The following GRIK1 variants were observed in gnomAD, a reference collection of about 807,000 sequenced individuals.
GRIK1 encodes glutamate ionotropic receptor kainate type subunit 1, also known as glutamate receptor ionotropic, kainate 1.
GRIK1 carries 69 observed loss-of-function variants against 105.7 expected under a neutral mutation model. That is an observed-to-expected ratio of 0.65 (90% CI 0.54 to 0.80). GRIK1 has a LOEUF of 0.80. Among genes scored for constraint, GRIK1 ranks in the 30% least tolerant of loss-of-function variants. The pLI is 0.00. For missense variants in GRIK1, 1,109 were observed against 1,167.3 expected, an observed-to-expected ratio of 0.95 and a Z score of 0.73; for synonymous variants, 438 against 431.3, an observed-to-expected ratio of 1.02 and a Z score of -0.19.
chr21:29,581,284 G>A, intron 13 of GRIK1, 141 bp downstream of exon 13: 1 of 636,338 alleles, frequency 1.6e-6, no homozygotes, highest in East Asian at 2.7e-5. Flanking sequence ...TTCAAAACCG[G>A]CTAGAAAGTC....
intron 1 of GRIK1, among the ~76,000 whole-genome samples, chr21:29,919,801 A>G (rs932044345): frequency 2.0e-5 from 3 of 152,198 alleles, no homozygotes; most frequent in Non-Finnish European, 4.4e-5. Flanking sequence ...AATGTGCTAA[A>G]AACAGTCCCT....
chr21:29,549,306 A>G (rs559265138), intron 16 of GRIK1, among the ~76,000 whole-genome samples: 1 of 152,214 alleles, frequency 6.6e-6, no homozygotes, highest in African/African-American at 2.4e-5. Context: ...CATGTTTACT[A>G]TCTACTTTTA....
At chr21:29,900,459 C>CAAAAAAAAAAAAAAAAAAAAAA (rs746842761) in intron 1 of GRIK1, among the ~76,000 whole-genome samples, 3 of 78,320 alleles carry the variant, frequency 3.8e-5, no homozygotes, top group Admixed American at 1.4e-4. Context: ...AAATGGAAAG[C>CAAAAAAAAAAAAAAAAAAAAAA]AAGAAAAAAA....
chr21:29,597,346 C>T (rs772305678), intron 8 of GRIK1, among the ~76,000 whole-genome samples: 10 of 152,334 alleles, frequency 6.6e-5, no homozygotes, highest in East Asian at 5.8e-4. Flanking sequence ...CATAATATTA[C>T]GGTGTATAGA....
intron 1 of GRIK1, among the ~76,000 whole-genome samples, chr21:29,920,038 T>C (rs2071139447): frequency 6.6e-6 from 1 of 152,120 alleles, no homozygotes; most frequent in South Asian, 2.1e-4. Flanking sequence ...TGAGGCAGAA[T>C]AGAAGAAGAA....
At chr21:29,880,172 CAA>C (rs1289313210) in intron 1 of GRIK1, among the ~76,000 whole-genome samples, 7 of 152,074 alleles carry the variant, frequency 4.6e-5, no homozygotes, top group Non-Finnish European at 7.4e-5. Flanking sequence ...AAAAAAACCT[CAA>C]GTCTATATTA....
chr21:29,656,222 C>T lies in GRIK1; in HGVS notation c.727-1359G>A, dbSNP rs139553651. 3.0e-3 allele frequency among the ~76,000 whole-genome samples: 449 copies of T among 151,124 alleles called. 3 individuals are homozygous for T. Among genetic ancestry groups the T allele is most frequent in the East Asian group, 0.025 (126 of 5,116 alleles). On this transcript the variant is annotated intron_variant, in intron 4 of 17. Coordinates refer to ENST00000327783, the MANE Select transcript of GRIK1 (RefSeq NM_001330994.2). ...CTAAAAATACACAAAATTAGCCAGG[C>T]GTGGTGGCGGGTGCCTGTAATCCCA... is the stretch of plus-strand genomic sequence containing the variant.
chr21:29,810,890 T>C (rs760146411), intron 1 of GRIK1, among the ~76,000 whole-genome samples: 1 of 152,124 alleles, frequency 6.6e-6, no homozygotes, highest in Non-Finnish European at 1.5e-5. Flanking sequence ...ACAAAGGTGA[T>C]GTGGCAGCTG....
At chr21:29,866,606 G>T (rs970386862) in intron 1 of GRIK1, among the ~76,000 whole-genome samples, 1 of 152,050 alleles carries the variant, frequency 6.6e-6, no homozygotes, top group African/African-American at 2.4e-5. Flanking sequence ...GGGGACTTTT[G>T]GATCTAAAAT....
At chr21:29,781,187 A>G (rs895455636) in intron 1 of GRIK1, among the ~76,000 whole-genome samples, 2 of 152,134 alleles carry the variant, frequency 1.3e-5, no homozygotes, top group African/African-American at 4.8e-5. Flanking sequence ...ACAAAATTTT[A>G]TATAAATGGA....
intron 1 of GRIK1, among the ~76,000 whole-genome samples, chr21:29,754,156 A>G (rs2065276238): frequency 1.3e-5 from 2 of 152,226 alleles, no homozygotes; most frequent in Non-Finnish European, 2.9e-5. Flanking sequence ...GTAAAATACC[A>G]ATCAGCAATG....
chr21:29,712,855 A>G (rs901820324), intron 1 of GRIK1, among the ~76,000 whole-genome samples: 1 of 151,836 alleles, frequency 6.6e-6, no homozygotes, highest in African/African-American at 2.4e-5. Flanking sequence ...TTATAGTTTT[A>G]TGTAATTCAA....
rs138120193 is a variant in GRIK1 at position 29,799,286 on chromosome 21, T to C, written c.119-105223A>G. On this transcript the variant is annotated intron_variant, in intron 1 of 17. Coordinates refer to ENST00000327783, the MANE Select transcript of GRIK1 (RefSeq NM_001330994.2). ...CCGTTTTAAGACATTTAGACTGACATGGACACTTACCATATGTAAAACCAC... is the reference window on the plus strand; with the variant it reads ...CCGTTTTAAGACATTTAGACTGACACGGACACTTACCATATGTAAAACCAC... Among the ~76,000 whole-genome samples, 564 of 152,344 alleles carry C rather than the reference T, an allele frequency of 3.7e-3. 1 individual carries two copies. The highest frequency in any genetic ancestry group is 0.012 in the African/African-American group (511 of 41,580).
At chr21:29,828,985 C>T (rs2067552767) in intron 1 of GRIK1, among the ~76,000 whole-genome samples, 1 of 152,140 alleles carries the variant, frequency 6.6e-6, no homozygotes, top group African/African-American at 2.4e-5. Context: ...CTGTAATAGT[C>T]TTAAAAATCT....
intron 14 of GRIK1, among the ~76,000 whole-genome samples, chr21:29,570,313 CA>C (rs1452349304): frequency 6.6e-6 from 1 of 151,932 alleles, no homozygotes; most frequent in Non-Finnish European, 1.5e-5. Context: ...CAAGCCTGTT[CA>C]ACATGGTGAA....
intron 1 of GRIK1, among the ~76,000 whole-genome samples, chr21:29,792,854 C>T (rs112719698): frequency 5.3e-5 from 8 of 152,038 alleles, no homozygotes; most frequent in Admixed American, 3.3e-4. Flanking sequence ...ATGTATAGCA[C>T]GAAGAGTAAT....
intron 1 of GRIK1, among the ~76,000 whole-genome samples, chr21:29,907,113 A>G (rs974732063): frequency 2.6e-5 from 4 of 151,406 alleles, no homozygotes; most frequent in Admixed American, 6.6e-5. Context: ...ATTTGTATCA[A>G]TGGAATGTGG....
At chr21:29,759,219 G>A (rs973579465) in intron 1 of GRIK1, among the ~76,000 whole-genome samples, 2 of 150,800 alleles carry the variant, frequency 1.3e-5, no homozygotes, top group Admixed American at 6.6e-5. Context: ...CCAGGTTCAC[G>A]CCATTCTCCT....
At chr21:29,888,184 C>CTTTCTCT (rs1301166060) in intron 1 of GRIK1, among the ~76,000 whole-genome samples, 1 of 64,802 alleles carries the variant, frequency 1.5e-5, no homozygotes, top group Non-Finnish European at 2.7e-5. Flanking sequence ...TTTCTTTCTT[C>CTTTCTCT]CTTTCTTTCT....
Sources: allele counts gnomAD v4.1 joint callset (sites outside exome capture counted in the v4.1 genomes callset), GRCh38; gene constraint gnomAD v4.1.1; transcripts MANE v1.5; gene names NCBI Gene and HGNC (gene_info 2026-07-23, HGNC 2026-07-21).